Variants in ERCC8 observed in about 807,000 individuals in gnomAD.
ERCC8 encodes DNA excision repair protein ERCC-8.
ERCC8 carries 52 observed loss-of-function variants against 54.9 expected under a neutral mutation model. That is an observed-to-expected ratio of 0.95 (90% CI 0.76 to 1.19). ERCC8 has a LOEUF of 1.19. Ranked by LOEUF, ERCC8 falls within the 50% of genes most tolerant of loss-of-function variation. The pLI is 0.00. For missense variants in ERCC8, 514 were observed against 466.1 expected, an observed-to-expected ratio of 1.10 and a Z score of -0.95; for synonymous variants, 146 against 157.2, an observed-to-expected ratio of 0.93 and a Z score of 0.53.
chr5:60,932,282 G>C (rs1749931394), intron 1 of ERCC8: 1 of 152,196 alleles, frequency 6.6e-6, no homozygotes, highest in Non-Finnish European at 1.5e-5. Flanking sequence ...CCCTTAAAAA[G>C]TTCTGCTTGC....
In ERCC8 at chr5:60,898,143, A is replaced by C. The variant is rs1297741441; in HGVS notation, c.843+133T>G. The C allele has an allele frequency of 3.0e-6, 3 of 1,002,848 alleles. No individual in the cohort carries two copies. In the East Asian group the frequency reaches 7.9e-5, roughly 27 times the overall value. 62.1% of individuals were successfully genotyped at this position (1,002,848 alleles called of 1,614,324 possible). A position where few individuals can be genotyped will look rare whatever the true frequency, so the allele number is the denominator to read the frequency against. On this transcript the variant is annotated intron_variant, in intron 9 of 11. Coordinates refer to ENST00000676185, the MANE Select transcript of ERCC8 (RefSeq NM_000082.4). ...CCTGAGTTGAGAATTACTAGTCCAC[A>C]TAGTAGAAACACATTTTTAAAAACA...
chr5:60,894,040 A>C lies in ERCC8; in HGVS notation c.844-2954T>G, dbSNP rs575199012. ...TGCTCTGTCGCCCAGGCTGGAGTGC[A>C]GTGGCGCGATCTAGGCTCACTGCAA... is the stretch of plus-strand genomic sequence containing the variant. On this transcript the variant is annotated intron_variant, in intron 9 of 11. Coordinates refer to ENST00000676185, the MANE Select transcript of ERCC8 (RefSeq NM_000082.4). 3.0e-3 allele frequency among the ~76,000 whole-genome samples: 432 copies of C among 145,488 alleles called. 10 individuals are homozygous for C. Among genetic ancestry groups the C allele is most frequent in the Middle Eastern group, 0.022 (6 of 274 alleles).
intron 11 of ERCC8, among the ~76,000 whole-genome samples, chr5:60,881,182 G>A (rs1466592581): frequency 6.6e-6 from 1 of 152,112 alleles, no homozygotes. Flanking sequence ...AGTGGATATT[G>A]GTGAATAGCA....
chr5:60,909,505 T>TGA (rs1340186013), intron 4 of ERCC8: 1 of 161,236 alleles, frequency 6.2e-6, no homozygotes, highest in Non-Finnish European at 1.3e-5. Context: ...CTCCTCCTCC[T>TGA]CCTGCTCCTT....
intron 2 of ERCC8, among the ~76,000 whole-genome samples, chr5:60,924,714 C>T (rs566606824): frequency 8.6e-5 from 13 of 152,046 alleles, no homozygotes; most frequent in South Asian, 4.1e-4. Context: ...ATATATACAC[C>T]TCTTGAATTA....
At chr5:60,879,146 G>C (rs865826548) in intron 11 of ERCC8, among the ~76,000 whole-genome samples, 82 of 152,152 alleles carry the variant, frequency 5.4e-4, no homozygotes, top group African/African-American at 1.5e-3. Context: ...CATTCAGGAG[G>C]AGGTTGTTCA....
rs184539290 is a variant in ERCC8, at chr5:60,943,419, T to C, written c.77+1513A>G. The stretch of plus-strand genomic sequence containing the variant: ...TAAAAGTTTGCTACTAGCTTTTCAG[T>C]TCACAAATCATTACATAAATAACAT... On this transcript the variant is annotated intron_variant, in intron 1 of 11. Coordinates refer to ENST00000676185, the MANE Select transcript of ERCC8 (RefSeq NM_000082.4). 8.8e-4 allele frequency among the ~76,000 whole-genome samples: 134 copies of C among 152,330 alleles called. 1 individual carries two copies. The highest frequency in any genetic ancestry group is 3.1e-3 in the African/African-American group (130 of 41,566).
At chr5:60,942,933 T>A (rs1432921990) in intron 1 of ERCC8, among the ~76,000 whole-genome samples, 1 of 152,192 alleles carries the variant, frequency 6.6e-6, no homozygotes, top group East Asian at 1.9e-4. Flanking sequence ...AATGGAACTA[T>A]ATAATTGTTT....
chr5:60,893,043 A>T, intron 9 of ERCC8: 1 of 782,826 alleles, frequency 1.3e-6, no homozygotes. Context: ...AAGGTAATCC[A>T]GCCACTTCAC....
chr5:60,902,452 C>T lies in ERCC8; in HGVS notation c.607G>A (p.Ala203Thr). Residue 203 changes from alanine to threonine, a missense_variant, in exon 7 of 12, where the codon GCA (alanine) becomes ACA (threonine). Ala to Thr is a moderately conservative substitution (Grantham distance 58, BLOSUM62 0). Coordinates refer to ENST00000676185, the MANE Select transcript of ERCC8 (RefSeq NM_000082.4). ...SWSPRYDYIL[A>T]TASADSRVKL... ...TAAGTTAAATTTTACCTTGCTGTTG[C>T]CAAGATATAGTCATAACGTGGAGAC... is the stretch of plus-strand genomic sequence containing the variant. 6.2e-7 allele frequency: 1 copy of T among 1,611,344 alleles called. No homozygotes were observed. The highest frequency in any genetic ancestry group is 8.5e-7 in the Non-Finnish European group (1 of 1,178,096).
At chr5:60,913,996 G>C (rs937197611) in intron 4 of ERCC8, among the ~76,000 whole-genome samples, 4 of 152,138 alleles carry the variant, frequency 2.6e-5, no homozygotes, top group Admixed American at 2.6e-4. Context: ...TTGCTGAGGA[G>C]TGCTTTACTT....
chr5:60,893,751 AG>A (rs1748640452), intron 9 of ERCC8: 1 of 376,928 alleles, frequency 2.7e-6, no homozygotes, highest in South Asian at 4.3e-5. Context: ...AGTCTCCACG[AG>A]GGGGCGGGGC....
intron 9 of ERCC8, chr5:60,893,590 G>A: frequency 3.1e-6 from 2 of 647,036 alleles, no homozygotes; most frequent in Non-Finnish European, 5.7e-6. Flanking sequence ...TGATCAGCTT[G>A]AAAGCAGATA....
At chr5:60,875,873 T>C (rs1433398393) in intron 11 of ERCC8, among the ~76,000 whole-genome samples, 3 of 140,758 alleles carry the variant, frequency 2.1e-5, no homozygotes, top group Non-Finnish European at 3.0e-5. Context: ...ATTTTTTATA[T>C]TTTAATTTAT....
intron 11 of ERCC8, among the ~76,000 whole-genome samples, chr5:60,876,102 C>A (rs1424823283): frequency 6.6e-6 from 1 of 151,112 alleles, no homozygotes; most frequent in Non-Finnish European, 1.5e-5. Context: ...CTGTTCAATT[C>A]CCACCTATGA....
At position 60,872,750 on chromosome 5, in the gene ERCC8, T is replaced by C. The variant is rs1290825171; in HGVS notation, c.*1865A>G. 6.6e-6 allele frequency among the ~76,000 whole-genome samples: 1 copy of C among 152,194 alleles called. No individual in the cohort carries two copies. The highest frequency in any genetic ancestry group is 1.5e-5 in the Non-Finnish European group (1 of 68,034). Reference sequence around the variant, plus strand: ...TTAGTACAGCCATTATGGAAGACAGTATGGAGTTTCTGCAAAAAGTTAAAA... The same window carrying C: ...TTAGTACAGCCATTATGGAAGACAGCATGGAGTTTCTGCAAAAAGTTAAAA... On this transcript the variant is annotated 3_prime_UTR_variant, in exon 12 of 12. Transcript: ENST00000676185.
At chr5:60,929,334 G>A (rs1274857848) in intron 1 of ERCC8, among the ~76,000 whole-genome samples, 1 of 152,140 alleles carries the variant, frequency 6.6e-6, no homozygotes, top group East Asian at 1.9e-4. Flanking sequence ...AGTGGCTCAT[G>A]CCTGTAATCC....
intron 2 of ERCC8, among the ~76,000 whole-genome samples, chr5:60,925,212 A>T (rs1309893094): frequency 6.6e-6 from 1 of 151,964 alleles, no homozygotes; most frequent in Non-Finnish European, 1.5e-5. Context: ...TCCCTTAAAA[A>T]TTTTTTTTGG....
intron 9 of ERCC8, among the ~76,000 whole-genome samples, chr5:60,893,890 C>T: frequency 6.6e-6 from 1 of 152,176 alleles, no homozygotes; most frequent in East Asian, 1.9e-4. Flanking sequence ...TCATCACTAT[C>T]CATCTCTAGA....
Sources: allele counts gnomAD v4.1 joint callset (sites outside exome capture counted in the v4.1 genomes callset), GRCh38; gene constraint gnomAD v4.1.1; transcripts MANE v1.5; gene names NCBI Gene and HGNC (gene_info 2026-07-23, HGNC 2026-07-21).